The following LHX5 variants were observed in gnomAD, a reference collection of about 807,000 sequenced individuals.
LHX5 encodes LIM homeobox 5.
Under a neutral mutation model 30.6 loss-of-function variants are expected in LHX5, and 5 were observed. That is an observed-to-expected ratio of 0.16 (90% CI 0.09 to 0.34). The LOEUF is 0.34. LHX5 is among the 10% of genes least tolerant of loss of function. The pLI is 1.00. For synonymous variants in LHX5, 266 were observed against 252.6 expected (o/e 1.05, Z -0.50); for missense variants, 458 against 570.6 (o/e 0.80, Z 2.01).
In LHX5 at chr12:113,471,589, T is replaced by C; in HGVS notation, c.-91A>G. On this transcript the variant is annotated 5_prime_UTR_variant, in exon 1 of 5. Transcript: ENST00000261731. ...CGGGCCCTCCGCTGCCCTTCGCCTCTTGTCTCAGCAGCTGCAGGGCGAGTC... is the reference window on the plus strand; with the variant it reads ...CGGGCCCTCCGCTGCCCTTCGCCTCCTGTCTCAGCAGCTGCAGGGCGAGTC... 1 of 1,254,790 alleles carries C rather than the reference T, an allele frequency of 8.0e-7. No individual in the cohort carries two copies. The highest frequency in any genetic ancestry group is 1.1e-6 in the Non-Finnish European group (1 of 912,496). The allele number at this position is 1,254,790 out of a possible 1,614,324, so 77.7% of individuals were successfully genotyped here.
rs1046967503 is a variant in LHX5 at position 113,462,994 on chromosome 12, C to T, written c.*196G>A. ...CGGTGGGCTGAGGCTCCTGGAGAGC[C>T]CGCGGGGTGGAGATGGGGGTCGGCC... On this transcript the variant is annotated 3_prime_UTR_variant, in exon 5 of 5. Coordinates refer to ENST00000261731, the MANE Select transcript of LHX5 (RefSeq NM_022363.3). 14 of 540,316 alleles carry T rather than the reference C, an allele frequency of 2.6e-5. No individual in the cohort carries two copies. Among genetic ancestry groups the T allele is most frequent in the African/African-American group, 2.4e-4 (12 of 49,068 alleles). 33.5% of individuals were successfully genotyped at this position (540,316 alleles called of 1,614,324 possible).
In LHX5 at chr12:113,467,997, G is replaced by A; in HGVS notation, c.675+130C>T. ...CCGACCTCGGGCAAGTGCCCCACTC[G>A]GGCGCACGGTCTGCTCCCAGACCAG... On this transcript the variant is annotated intron_variant, in intron 3 of 4. Transcript: ENST00000261731. This position sits in a 1 kb window ranked among gnomAD's most constrained non-coding sequence, Gnocchi z 6.3. The A allele has an allele frequency of 7.7e-7, 1 of 1,295,190 alleles. No homozygotes were observed. The highest frequency in any genetic ancestry group is 1.0e-6 in the Non-Finnish European group (1 of 973,420). The allele number at this position is 1,295,190 out of a possible 1,614,324, so 80.2% of individuals were successfully genotyped here.
In LHX5 at chr12:113,463,538, G is replaced by A. The variant is rs1958192014; in HGVS notation, c.861C>T (p.Tyr287=). Residue 287 remains tyrosine (Y), a synonymous_variant, in exon 5 of 5, where the codon TAC becomes TAT. Coordinates refer to ENST00000261731, the MANE Select transcript of LHX5 (RefSeq NM_022363.3). This position sits in a 1 kb window ranked among gnomAD's most constrained non-coding sequence, Gnocchi z 6.7. ...TYYGDYQGDY[Y]APGSNYDFFA... is the part of the protein sequence containing the mutation. ...AGAAGTCGTAGTTGCTTCCCGGCGC[G>A]TAGTAGTCGCCTTGGTAGTCTGCGG... is the stretch of plus-strand genomic sequence containing the variant. 1.3e-6 allele frequency: 2 copies of A among 1,553,402 alleles called. No homozygotes were observed. Among genetic ancestry groups the A allele is most frequent in the Non-Finnish European group, 1.7e-6 (2 of 1,157,740 alleles).
chr12:113,467,259 C>A lies in LHX5; in HGVS notation c.838G>T (p.Gly280Ter). 6.8e-7 allele frequency: 1 copy of A among 1,469,056 alleles called. No homozygotes were observed. The highest frequency in any genetic ancestry group is 1.3e-5 in the South Asian group (1 of 74,412). The allele number at this position is 1,469,056 out of a possible 1,614,324, so 91.0% of individuals were successfully genotyped here. ...CGAATCCCGGGGCGCCCCTTACCTC[C>A]GTAGTAGGTGTACGGGGTGGACCCC... is the stretch of plus-strand genomic sequence containing the variant. ...MLGSTPYTYY[G>*]DYQGDYYAPG... Residue 280 changes from glycine to a stop codon, truncating the protein, a stop_gained, in exon 4 of 5, where the codon GGA (glycine) becomes TGA (stop). Transcript: ENST00000261731. LOFTEE classifies it low-confidence loss of function (END_TRUNC). This position sits in a 1 kb window ranked among gnomAD's most constrained non-coding sequence, Gnocchi z 6.3.
chr12:113,465,398 C>A lies in LHX5; in HGVS notation c.842-1841G>T, dbSNP rs561529056. On this transcript the variant is annotated intron_variant, in intron 4 of 4. Transcript: ENST00000261731. This position sits in a 1 kb window ranked among gnomAD's most constrained non-coding sequence, Gnocchi z 6.7. Reference sequence around the variant, plus strand: ...GCGGCCGGGCCGGAGGTAATTGGAACAAACGCCGTCTGAAAAGGGCACAAA... The same window carrying A: ...GCGGCCGGGCCGGAGGTAATTGGAAAAAACGCCGTCTGAAAAGGGCACAAA... Among the ~76,000 whole-genome samples the A allele has an allele frequency of 2.6e-5, 4 of 152,306 alleles. No individual in the cohort carries two copies. Among genetic ancestry groups the A allele is most frequent in the African/African-American group, 7.2e-5 (3 of 41,578 alleles).
rs1958191127 is a variant in LHX5 at position 113,463,479 on chromosome 12, G to A, written c.920C>T (p.Pro307Leu). Residue 307 changes from proline (P) to leucine (L), a missense_variant, in exon 5 of 5, where the codon CCG becomes CTG. Pro to Leu is a moderately conservative substitution (Grantham distance 98). Around this residue, in one of 3 missense-constraint regions of LHX5, gnomAD observed 255 missense variants for 246.8 expected, o/e 1.03. Coordinates refer to ENST00000261731, the MANE Select transcript of LHX5 (RefSeq NM_022363.3). The surrounding 1 kb of genome is among the most constrained non-coding windows in gnomAD (Gnocchi z 6.7). Reference protein sequence around the residue: ...AHGPPSQAQSPADSSFLAASG... With the variant: ...AHGPPSQAQSLADSSFLAASG... ...GGCCGCCAGGAAGCTGGAGTCGGCC[G>A]GGGACTGCGCCTGCGAAGGCGGGCC... is the stretch of plus-strand genomic sequence containing the variant. 1.3e-6 allele frequency: 2 copies of A among 1,567,062 alleles called. No homozygotes were observed. The highest frequency in any genetic ancestry group is 1.2e-5 in the South Asian group (1 of 86,660).
chr12:113,471,716 C>A lies in LHX5; in HGVS notation c.-218G>T. The A allele has an allele frequency of 2.0e-6, 1 of 494,018 alleles. No homozygotes were observed. The highest frequency in any genetic ancestry group is 3.5e-5 in the East Asian group (1 of 28,846). The allele number at this position is 494,018 out of a possible 1,614,324, so 30.6% of individuals were successfully genotyped here. On this transcript the variant is annotated 5_prime_UTR_variant, in exon 1 of 5. The change creates a new upstream start codon in the 5' untranslated region. Coordinates refer to ENST00000261731, the MANE Select transcript of LHX5 (RefSeq NM_022363.3). The stretch of plus-strand genomic sequence containing the variant: ...GTGGGGGGCGGGTGGCGTTCACAAC[C>A]TCATGCCACGGGCCGCACGCCCCGG...
rs1958251858 is a variant in LHX5 at position 113,471,549 on chromosome 12, G to A, written c.-51C>T. 1 of 1,512,874 alleles carries A rather than the reference G, an allele frequency of 6.6e-7. No individual in the cohort carries two copies. The highest frequency in any genetic ancestry group is 1.4e-5 in the African/African-American group (1 of 71,776). 93.7% of individuals were successfully genotyped at this position (1,512,874 alleles called of 1,614,324 possible). A position where few individuals can be genotyped will look rare whatever the true frequency, so the allele number is the denominator to read the frequency against. On this transcript the variant is annotated 5_prime_UTR_variant, in exon 1 of 5. Transcript: ENST00000261731. ...CGCCTTGCCCTCCCTTTGGGCCCCT[G>A]GCCCTCGGGCCTGCCGGGCCCTCCG...
Position 113,463,682 on chromosome 12 carries a change from T to A in LHX5, c.842-125A>T. The A allele has an allele frequency of 9.7e-7, 1 of 1,029,924 alleles. No homozygotes were observed. Among genetic ancestry groups the A allele is most frequent in the Non-Finnish European group, 1.4e-6 (1 of 736,058 alleles). 63.8% of individuals were successfully genotyped at this position (1,029,924 alleles called of 1,614,324 possible). A position where few individuals can be genotyped will look rare whatever the true frequency, so the allele number is the denominator to read the frequency against. Reference sequence around the variant, plus strand: ...GGGAGCGCGCGACACCGACCCAAGGTTAGAGAGACCTGCGGAGGCCGGCGC... The same window carrying A: ...GGGAGCGCGCGACACCGACCCAAGGATAGAGAGACCTGCGGAGGCCGGCGC... On this transcript the variant is annotated intron_variant, in intron 4 of 4. Transcript: ENST00000261731. The surrounding 1 kb of genome is among the most constrained non-coding windows in gnomAD (Gnocchi z 6.7).
In LHX5 at chr12:113,467,188, G is replaced by A. The variant is rs1312755774; in HGVS notation, c.841+68C>T. ...TGGAGCGGCGGAAAGCGTGCTGGCC[G>A]GGACCCTTCGCCCTCAGCTCCCGGA... On this transcript the variant is annotated intron_variant, in intron 4 of 4. Transcript: ENST00000261731. This position sits in a 1 kb window ranked among gnomAD's most constrained non-coding sequence, Gnocchi z 6.3. 2.2e-6 allele frequency: 3 copies of A among 1,365,672 alleles called. No individual in the cohort carries two copies. The highest frequency in any genetic ancestry group is 5.5e-5 in the East Asian group (2 of 36,288). 84.6% of individuals were successfully genotyped at this position (1,365,672 alleles called of 1,614,324 possible). A position where few individuals can be genotyped will look rare whatever the true frequency, so the allele number is the denominator to read the frequency against.
rs1008927535 is a variant in LHX5 at position 113,471,722 on chromosome 12, C to G, written c.-224G>C. 1 of 478,146 alleles carries G rather than the reference C, an allele frequency of 2.1e-6. No homozygotes were observed. The highest frequency in any genetic ancestry group is 3.5e-5 in the East Asian group (1 of 28,266). The allele number at this position is 478,146 out of a possible 1,614,324, so 29.6% of individuals were successfully genotyped here. A position where few individuals can be genotyped will look rare whatever the true frequency, so the allele number is the denominator to read the frequency against. ...GGCGGGTGGCGTTCACAACCTCATG[C>G]CACGGGCCGCACGCCCCGGCGCCTG... On this transcript the variant is annotated 5_prime_UTR_variant, in exon 1 of 5. Transcript: ENST00000261731.
Position 113,464,955 on chromosome 12 carries a change from T to C in LHX5, c.842-1398A>G, listed in dbSNP as rs1350950982. ...CCCTGAAGGACTGACGTGGGGGACG[T>C]CACGAAAGGACCACCTTGTACCAGG... On this transcript the variant is annotated intron_variant, in intron 4 of 4. Transcript: ENST00000261731. This position sits in a 1 kb window ranked among gnomAD's most constrained non-coding sequence, Gnocchi z 6.2. Among the ~76,000 whole-genome samples the C allele has an allele frequency of 1.3e-5, 2 of 152,066 alleles. No homozygotes were observed. Among genetic ancestry groups the C allele is most frequent in the Admixed American group, 1.3e-4 (2 of 15,280 alleles).
In LHX5 at chr12:113,464,298, G is replaced by C. The variant is rs1958198302; in HGVS notation, c.842-741C>G. 6.6e-6 allele frequency among the ~76,000 whole-genome samples: 1 copy of C among 152,240 alleles called. No individual in the cohort carries two copies. On this transcript the variant is annotated intron_variant, in intron 4 of 4. Transcript: ENST00000261731. This position sits in a 1 kb window ranked among gnomAD's most constrained non-coding sequence, Gnocchi z 6.2. ...AAGCGGAGGCTGACAGGCCCGGGGA[G>C]AGGAACCGGGCAGGGACAAACCAGC... is the stretch of plus-strand genomic sequence containing the variant.
intron 1 of LHX5, among the ~76,000 whole-genome samples, chr12:113,469,777 C>G (rs1054633509): frequency 2.6e-5 from 4 of 152,254 alleles, no homozygotes; most frequent in South Asian, 2.1e-4. Context: ...CCTTTCTAGT[C>G]TGCTGCTGCC....
chr12:113,469,645 C>T (rs532170412), intron 1 of LHX5, among the ~76,000 whole-genome samples: 5 of 152,344 alleles, frequency 3.3e-5, no homozygotes, highest in Admixed American at 1.3e-4. Flanking sequence ...CCCAAGATGT[C>T]CTCCCCCAAA....
At position 113,463,024 on chromosome 12, in the gene LHX5, C is replaced by G. The variant is rs1456929704; in HGVS notation, c.*166G>C. 1.6e-6 allele frequency: 1 copy of G among 623,750 alleles called. No homozygotes were observed. The highest frequency in any genetic ancestry group is 2.6e-6 in the Non-Finnish European group (1 of 388,576). 38.6% of individuals were successfully genotyped at this position (623,750 alleles called of 1,614,324 possible). A position where few individuals can be genotyped will look rare whatever the true frequency, so the allele number is the denominator to read the frequency against. On this transcript the variant is annotated 3_prime_UTR_variant, in exon 5 of 5. Transcript: ENST00000261731. The surrounding 1 kb of genome is among the most constrained non-coding windows in gnomAD (Gnocchi z 6.7). The stretch of plus-strand genomic sequence containing the variant: ...GGGTGGAGATGGGGGTCGGCCCCCC[C>G]TCGGCGCCCAGCCGAGGAGCAGCTG...
rs1958202118 is a variant in LHX5 at position 113,464,744 on chromosome 12, A to G, written c.842-1187T>C. Reference sequence around the variant, plus strand: ...ATTGAGATCTTTTGAGAAGCTGGTGATAGCTATGGGCTCTCTCTCAAGGAA... The same window carrying G: ...ATTGAGATCTTTTGAGAAGCTGGTGGTAGCTATGGGCTCTCTCTCAAGGAA... On this transcript the variant is annotated intron_variant, in intron 4 of 4. Coordinates refer to ENST00000261731, the MANE Select transcript of LHX5 (RefSeq NM_022363.3). The surrounding 1 kb of genome is among the most constrained non-coding windows in gnomAD (Gnocchi z 6.2). Among the ~76,000 whole-genome samples the G allele has an allele frequency of 6.6e-6, 1 of 152,178 alleles. No individual in the cohort carries two copies. The highest frequency in any genetic ancestry group is 1.5e-5 in the Non-Finnish European group (1 of 68,018).
chr12:113,469,987 C>T (rs1457435477), intron 1 of LHX5, among the ~76,000 whole-genome samples: 1 of 152,198 alleles, frequency 6.6e-6, no homozygotes, highest in Non-Finnish European at 1.5e-5. Flanking sequence ...AGTGATGGAC[C>T]CTAGAGAGCA....
chr12:113,471,590 TGTCTCAGCA>T lies in LHX5; in HGVS notation c.-101_-93del. 8.0e-7 allele frequency: 1 copy of T among 1,245,142 alleles called. No individual in the cohort carries two copies. 77.1% of individuals were successfully genotyped at this position (1,245,142 alleles called of 1,614,324 possible). ...GGGCCCTCCGCTGCCCTTCGCCTCTTGTCTCAGCAGCTGCAGGGCGAGTCTGGTCCGGAC... is the reference window on the plus strand; with the variant it reads ...GGGCCCTCCGCTGCCCTTCGCCTCTTGCTGCAGGGCGAGTCTGGTCCGGAC... On this transcript the variant is annotated 5_prime_UTR_variant, in exon 1 of 5. Coordinates refer to ENST00000261731, the MANE Select transcript of LHX5 (RefSeq NM_022363.3).
Sources: gnomAD v4.1 joint callset for allele counts (sites outside exome capture counted in the v4.1 genomes callset) on GRCh38, gnomAD v4.1.1 for gene constraint, gnomAD v4.1.1 regional missense constraint, Gnocchi (gnomAD v3.1) non-coding constraint, MANE v1.5 for transcripts, NCBI Gene and HGNC (gene_info 2026-07-23, HGNC 2026-07-21) for gene names.